NBPF19: variants seen among roughly 807,000 people sequenced by gnomAD.
NBPF19 encodes NBPF family member NBPF19.
NBPF19 carries 30 observed loss-of-function variants against 45.9 expected under a neutral mutation model. That is an observed-to-expected ratio of 0.65 (90% confidence interval 0.49 to 0.89). The LOEUF (loss-of-function observed/expected upper bound fraction) is 0.89. Ranked by LOEUF, NBPF19 falls within the 40% of genes least tolerant of loss-of-function variation. The pLI, the probability that NBPF19 is intolerant of heterozygous loss-of-function variation, is 0.00. For missense variants in NBPF19, 495 were observed against 471.8 expected, an observed-to-expected ratio of 1.05 and a Z score of -0.46; for synonymous variants, 183 against 181.2, an observed-to-expected ratio of 1.01 and a Z score of -0.08.
intron 61 of NBPF19, 30 bp from the exon 62 acceptor site, chr1:149,529,144 C>T: frequency 4.9e-6 from 1 of 205,500 alleles, no homozygotes; most frequent in South Asian, 3.3e-5. Flanking sequence ...TTTCCCCTGG[C>T]TTATTCTTTA....
At chr1:149,486,635 T>G (rs1316330145) in intron 8 of NBPF19, among the ~76,000 whole-genome samples, 2 of 150,660 alleles carry the variant, frequency 1.3e-5, no homozygotes, top group African/African-American at 2.4e-5. Context: ...TTAAATGTCT[T>G]TTGCCAGCTA....
chr1:149,520,098 CT>C, intron 50 of NBPF19, among the ~76,000 whole-genome samples: 1 of 22,672 alleles, frequency 4.4e-5, no homozygotes, highest in South Asian at 4.0e-3. Flanking sequence ...TGATCCTATT[CT>C]CATGACATTG....
chr1:149,554,889 G>C lies in NBPF19; in HGVS notation c.*151G>C. On this transcript the variant is annotated 3_prime_UTR_variant, in exon 94 of 94. Coordinates refer to ENST00000651566, the MANE Select transcript of NBPF19 (RefSeq NM_001351365.2). ...TTTCCTATTCTCAAACCATGCCAGT[G>C]GCAACCTGTGCTCAGTCTGAAGACA... The C allele has an allele frequency of 7.1e-7, 1 of 1,408,086 alleles. No homozygotes were observed. Among genetic ancestry groups the C allele is most frequent in the Non-Finnish European group, 9.7e-7 (1 of 1,028,230 alleles). The allele number at this position is 1,408,086 out of a possible 1,614,324, so 87.2% of individuals were successfully genotyped here.
Position 149,554,676 on chromosome 1 carries a change from T to C in NBPF19, c.11470T>C (p.Phe3824Leu). 1.2e-6 allele frequency: 2 copies of C among 1,608,348 alleles called. No individual in the cohort carries two copies. The highest frequency in any genetic ancestry group is 1.7e-6 in the Non-Finnish European group (2 of 1,176,768). Residue 3824 changes from phenylalanine to leucine, a missense_variant, in exon 94 of 94, where the codon TTT becomes CTT. By Grantham distance (22) the Phe-to-Leu change is conservative (BLOSUM62 0). Coordinates refer to ENST00000651566, the MANE Select transcript of NBPF19 (RefSeq NM_001351365.2). ...CGCCCTTTACTTGGACAATAGGTTTTTTACTTTGACGGTGACAAGTCTCCA... is the reference window on the plus strand; with the variant it reads ...CGCCCTTTACTTGGACAATAGGTTTCTTACTTTGACGGTGACAAGTCTCCA... ...SFALYLDNRF[F>L]TLTVTSLHLV...
chr1:149,478,989 C>G lies in NBPF19; in HGVS notation c.388C>G (p.Leu130Val). Reference protein sequence around the residue: ...SRSLNEHLQALLTPDEPDKSQ... With the variant: ...SRSLNEHLQAVLTPDEPDKSQ... ...CTCATTGAATGAGCATCTCCAGGCC[C>G]TCCTCACTCCGGATGAGCCGGACAA... is the stretch of plus-strand genomic sequence containing the variant. Residue 130 changes from leucine (L) to valine (V), a missense_variant, in exon 4 of 94, where the codon CTC becomes GTC. Physicochemically the swap from Leu to Val is conservative, Grantham distance 32. Around this residue, in one of 8 missense-constraint regions of NBPF19, gnomAD observed 69 missense variants for 87.8 expected, o/e 0.79. Transcript: ENST00000651566. The G allele has an allele frequency of 6.3e-7, 1 of 1,590,092 alleles. No homozygotes were observed. The highest frequency in any genetic ancestry group is 2.3e-4 in the Middle Eastern group (1 of 4,398).
chr1:149,495,703 GTCCA>G (rs2086078720), intron 19 of NBPF19, among the ~76,000 whole-genome samples, 195 bp from the exon 20 acceptor site: 1 of 28,958 alleles, frequency 3.5e-5, no homozygotes, highest in African/African-American at 1.6e-4. Flanking sequence ...GTGTGTGTGT[GTCCA>G]TCTGTCTTTC....
intron 93 of NBPF19, 106 bp from the exon 94 acceptor site, chr1:149,554,389 C>A: frequency 6.2e-7 from 1 of 1,600,868 alleles, no homozygotes. Context: ...ATGGATCTAT[C>A]CTTTTTCTTT....
rs1403906095 is a variant in NBPF19 at position 149,556,145 on chromosome 1, T to C, written c.*1407T>C. 6.8e-6 allele frequency: 1 copy of C among 147,976 alleles called. No homozygotes were observed. The highest frequency in any genetic ancestry group is 1.5e-5 in the Non-Finnish European group (1 of 66,926). The allele number at this position is 147,976 out of a possible 1,614,324, so 9.2% of individuals were successfully genotyped here. The stretch of plus-strand genomic sequence containing the variant: ...TTGGGTCTCAATTTTTACTGTGCCT[T>C]TGTTTTTACTAGTGTCTGCTGTTGC... On this transcript the variant is annotated 3_prime_UTR_variant, in exon 94 of 94. Coordinates refer to ENST00000651566, the MANE Select transcript of NBPF19 (RefSeq NM_001351365.2).
At chr1:149,486,794 C>A (rs2085539226) in intron 8 of NBPF19, among the ~76,000 whole-genome samples, 1 of 150,772 alleles carries the variant, frequency 6.6e-6, no homozygotes, top group African/African-American at 2.4e-5. Flanking sequence ...TCTAAGTTCG[C>A]TTGTTTTAGC....
chr1:149,477,829 C>A (rs1364291418), intron 2 of NBPF19, 116 bp from the exon 3 acceptor site: 4 of 834,452 alleles, frequency 4.8e-6, no homozygotes, highest in South Asian at 2.9e-5. Flanking sequence ...CCTGTCTAGA[C>A]CCTGGTACTG....
chr1:149,554,601 C>T lies in NBPF19; in HGVS notation c.11395C>T (p.Gln3799Ter), dbSNP rs2087198787. 1.2e-6 allele frequency: 2 copies of T among 1,608,264 alleles called. No individual in the cohort carries two copies. The highest frequency in any genetic ancestry group is 1.3e-5 in the African/African-American group (1 of 74,762). ...GTACTTTGAACTACCTGACTCATTC[C>T]AGCACTACAGAAGTGTGTTTTACTC... ...SMYFELPDSF[Q>*]HYRSVFYSFE... is the part of the protein sequence containing the mutation. The change falls in exon 94 of 94, where the codon CAG becomes TAG. Residue 3799 changes from glutamine (Q) to a stop codon, truncating the protein, a stop_gained. Transcript: ENST00000651566. LOFTEE classifies it low-confidence loss of function (END_TRUNC).
At chr1:149,490,422 C>T in intron 12 of NBPF19, 21 bp from the exon 13 acceptor site, 1 of 94,436 alleles carries the variant, frequency 1.1e-5, no homozygotes, top group Admixed American at 2.0e-4. Context: ...TTTTGTCTGT[C>T]CCTGTCTGAA....
chr1:149,483,751 G>A (rs1315180929), intron 7 of NBPF19, among the ~76,000 whole-genome samples: 6 of 64,848 alleles, frequency 9.3e-5, no homozygotes, highest in African/African-American at 3.8e-4. Flanking sequence ...CTCAGCATTT[G>A]CTTCTCTGTA....
intron 10 of NBPF19, 125 bp downstream of exon 10, chr1:149,488,310 A>G (rs1232601661): frequency 1.7e-6 from 1 of 597,102 alleles, no homozygotes; most frequent in African/African-American, 2.0e-5. Context: ...CTATAGGCAC[A>G]TGTAGGTTGA....
chr1:149,477,771 A>C (rs2084930606), intron 2 of NBPF19, among the ~76,000 whole-genome samples, 174 bp from the exon 3 acceptor site: 1 of 151,226 alleles, frequency 6.6e-6, no homozygotes, highest in Non-Finnish European at 1.5e-5. Flanking sequence ...ATTTTGGAGG[A>C]TCAGATGCCA....
intron 9 of NBPF19, among the ~76,000 whole-genome samples, chr1:149,487,775 CTGTGTGTGTGTGTGTGTGTGTGTGTGTG>C (rs1219803937): frequency 1.1e-4 from 14 of 128,686 alleles, no homozygotes; most frequent in African/African-American, 3.6e-4. Context: ...TGAGCTCGCT[CTGTGTGTGTGTGTGTGTGTGTGTGTGTG>C]TGTGTGTGTG....
chr1:149,486,612 C>A (rs2085520813), intron 8 of NBPF19, among the ~76,000 whole-genome samples: 6 of 151,462 alleles, frequency 4.0e-5, no homozygotes, highest in African/African-American at 1.5e-4. Flanking sequence ...TCTGTCAGAT[C>A]AGCTCATCTG....
At chr1:149,521,066 T>TTG (rs2086706363) in intron 51 of NBPF19, among the ~76,000 whole-genome samples, 1 of 74,176 alleles carries the variant, frequency 1.3e-5, no homozygotes, top group South Asian at 3.7e-4. Flanking sequence ...CTAGGTCACT[T>TTG]TCTCTCTGTC....
At position 149,554,506 on chromosome 1, in the gene NBPF19, T is replaced by C; in HGVS notation, c.11300T>C (p.Val3767Ala). ...GTCTCCTTTTCCAGGCTCAACAGCGTGCTGATGGAAGTGGAAGAGCCTGAA... is the reference window on the plus strand; with the variant it reads ...GTCTCCTTTTCCAGGCTCAACAGCGCGCTGATGGAAGTGGAAGAGCCTGAA... ...QNPPCPRLNS[V>A]LMEVEEPEVL... Residue 3767 changes from valine (V) to alanine (A), a missense_variant, in exon 94 of 94, where the codon GTG becomes GCG. Physicochemically the swap from Val to Ala is moderately conservative, Grantham distance 64. Coordinates refer to ENST00000651566, the MANE Select transcript of NBPF19 (RefSeq NM_001351365.2). 1 of 1,608,184 alleles carries C rather than the reference T, an allele frequency of 6.2e-7. No individual in the cohort carries two copies. The highest frequency in any genetic ancestry group is 8.5e-7 in the Non-Finnish European group (1 of 1,176,696).
Sources: gnomAD v4.1 joint callset for allele counts (sites outside exome capture counted in the v4.1 genomes callset) on GRCh38, gnomAD v4.1.1 for gene constraint, gnomAD v4.1.1 regional missense constraint, MANE v1.5 for transcripts, NCBI Gene and HGNC (gene_info 2026-07-23, HGNC 2026-07-21) for gene names.